Variants in CCDC181 observed in about 807,000 individuals in gnomAD.
CCDC181 encodes the protein coiled-coil domain-containing protein 181.
Under a neutral mutation model 58.7 loss-of-function variants are expected in CCDC181, and 35 were observed. The observed-to-expected ratio is 0.60, with a 90% CI of 0.46 to 0.79. CCDC181 has a LOEUF of 0.79. Ranked by LOEUF, CCDC181 falls within the 30% of genes least tolerant of loss-of-function variation. The probability of loss-of-function intolerance (pLI) is 0.00; values close to 1 mark genes in which losing one functional copy is unlikely to be tolerated. For synonymous variants in CCDC181, 183 were observed against 197.5 expected (o/e 0.93, Z 0.62); for missense variants, 517 against 583.9 (o/e 0.89, Z 1.18).
intron 2 of CCDC181, among the ~76,000 whole-genome samples, chr1:169,458,515 C>A (rs1016472818): frequency 3.9e-5 from 6 of 152,068 alleles, no homozygotes; most frequent in Non-Finnish European, 4.4e-5. Flanking sequence ...GAGCTTCTGT[C>A]CCCATGGAGT....
At chr1:169,402,799 C>T (rs1655425012) in intron 4 of CCDC181, among the ~76,000 whole-genome samples, 1 of 152,148 alleles carries the variant, frequency 6.6e-6, no homozygotes, top group South Asian at 2.1e-4. Flanking sequence ...CAAATACACA[C>T]ATAACAATAT....
intron 5 of CCDC181, among the ~76,000 whole-genome samples, chr1:169,395,501 C>T (rs1654969585): frequency 6.6e-6 from 1 of 152,060 alleles, no homozygotes; most frequent in Non-Finnish European, 1.5e-5. Flanking sequence ...AGATCCTATT[C>T]TTTTTTTAGA....
chr1:169,405,344 G>A (rs576306252), intron 4 of CCDC181, among the ~76,000 whole-genome samples: 1 of 152,226 alleles, frequency 6.6e-6, no homozygotes, highest in Non-Finnish European at 1.5e-5. Context: ...AGCCCACATT[G>A]CCAAGACAAT....
intron 4 of CCDC181, among the ~76,000 whole-genome samples, chr1:169,416,489 C>T (rs943891276): frequency 2.0e-5 from 3 of 152,142 alleles, no homozygotes; most frequent in East Asian, 3.8e-4. Flanking sequence ...TGGATTGAAA[C>T]ACCAGAATAC....
chr1:169,403,855 A>G (rs1017659262), intron 4 of CCDC181, among the ~76,000 whole-genome samples: 2 of 152,240 alleles, frequency 1.3e-5, no homozygotes, highest in African/African-American at 4.8e-5. Flanking sequence ...CCCTTCAAAA[A>G]AATCAATGAA....
At chr1:169,411,825 A>T (rs1381034636) in intron 4 of CCDC181, among the ~76,000 whole-genome samples, 4 of 152,236 alleles carry the variant, frequency 2.6e-5, no homozygotes, top group Admixed American at 2.6e-4. Context: ...ATAAAATTCA[A>T]CAGCACTTCA....
intron 4 of CCDC181, among the ~76,000 whole-genome samples, chr1:169,416,566 A>G (rs1292595271): frequency 6.6e-6 from 1 of 152,168 alleles, no homozygotes; most frequent in African/African-American, 2.4e-5. Context: ...TTTCCCCATT[A>G]TAGTGTTTAT....
At chr1:169,444,010 C>G (rs933348600) in intron 2 of CCDC181, among the ~76,000 whole-genome samples, 2 of 152,238 alleles carry the variant, frequency 1.3e-5, no homozygotes, top group East Asian at 3.9e-4. Context: ...AATTTATACT[C>G]AACTTATTCT....
chr1:169,416,030 C>G (rs778557407), intron 4 of CCDC181, among the ~76,000 whole-genome samples: 1 of 152,186 alleles, frequency 6.6e-6, no homozygotes, highest in South Asian at 2.1e-4. Context: ...ACCCCTCCCA[C>G]GAGGAGTTTT....
intron 4 of CCDC181, among the ~76,000 whole-genome samples, chr1:169,415,221 G>A (rs1489622691): frequency 1.3e-5 from 2 of 152,152 alleles, no homozygotes; most frequent in Non-Finnish European, 2.9e-5. Flanking sequence ...AGGCCTGAAG[G>A]CCCATCATCG....
chr1:169,440,919 A>G (rs1657205476), intron 2 of CCDC181, among the ~76,000 whole-genome samples: 1 of 142,572 alleles, frequency 7.0e-6, no homozygotes, highest in African/African-American at 2.5e-5. Flanking sequence ...CAGGCAACAG[A>G]GCAAGACTGT....
intron 2 of CCDC181, chr1:169,442,815 A>T (rs1657270194): frequency 6.6e-6 from 1 of 152,090 alleles, no homozygotes; most frequent in African/African-American, 2.4e-5. Context: ...GACAAACAAT[A>T]TGCAAAACAT....
intron 3 of CCDC181, 104 bp from the exon 4 acceptor site, chr1:169,419,263 C>A: frequency 1.5e-6 from 2 of 1,332,492 alleles, no homozygotes; most frequent in Non-Finnish European, 2.0e-6. Context: ...GATTCCCTGA[C>A]CCTAAAACTT....
At chr1:169,448,635 G>A (rs1456618021) in intron 2 of CCDC181, among the ~76,000 whole-genome samples, 3 of 151,930 alleles carry the variant, frequency 2.0e-5, no homozygotes, top group Non-Finnish European at 4.4e-5. Flanking sequence ...GATATGCCCT[G>A]GTGTAGATTT....
chr1:169,431,218 A>G (rs76760833), upstream of CCDC181, among the ~76,000 whole-genome samples: 1,061 of 152,286 alleles, frequency 7.0e-3, 19 homozygotes, highest in African/African-American at 0.025. Context: ...GAATTAATTT[A>G]TCAGTTCTAG....
At chr1:169,401,273 C>A (rs1048218321) in intron 4 of CCDC181, among the ~76,000 whole-genome samples, 2 of 152,200 alleles carry the variant, frequency 1.3e-5, no homozygotes, top group African/African-American at 4.8e-5. Flanking sequence ...ACTTAAACGT[C>A]CCAGTCTGAC....
At chr1:169,438,160 G>A (rs1657107431) in intron 2 of CCDC181, among the ~76,000 whole-genome samples, 1 of 151,678 alleles carries the variant, frequency 6.6e-6, no homozygotes, top group African/African-American at 2.4e-5. Context: ...AGCACAAAGT[G>A]TACCAGATTT....
chr1:169,395,340 G>T, intron 5 of CCDC181, 134 bp from the exon 6 acceptor site: 1 of 717,166 alleles, frequency 1.4e-6, no homozygotes, highest in Non-Finnish European at 2.0e-6. Context: ...AAATTTTTAA[G>T]TATTAACTGA....
Position 169,423,079 on chromosome 1 carries a change from T to TATATA in CCDC181, c.118-767_118-766insTATAT, listed in dbSNP as rs377436139. On this transcript the variant is annotated intron_variant, in intron 2 of 5. Transcript: ENST00000367806. ...ATAAATATTTTATATATATATATAT[T>TATATA]TTTTCTCTTTGTCAAAGTTCTCTCC... Among the ~76,000 whole-genome samples, 286 of 146,930 alleles carry TATATA rather than the reference T, an allele frequency of 1.9e-3. 1 individual carries two copies. The highest frequency in any genetic ancestry group is 3.2e-3 in the Non-Finnish European group (216 of 66,674).
Sources: allele counts gnomAD v4.1 joint callset (sites outside exome capture counted in the v4.1 genomes callset), GRCh38; gene constraint gnomAD v4.1.1; transcripts MANE v1.5; gene names NCBI Gene and HGNC (gene_info 2026-07-23, HGNC 2026-07-21).